ARHGAP44: variants seen among roughly 807,000 people sequenced by gnomAD.
ARHGAP44 encodes Rho GTPase activating protein 44.
Under a neutral mutation model 106.8 loss-of-function variants are expected in ARHGAP44, and 43 were observed. The ratio of observed to expected loss-of-function variants is 0.40; its 90% CI spans 0.32 to 0.52. The LOEUF (loss-of-function observed/expected upper bound fraction) is 0.52, where lower values mean the gene tolerates loss of function less well. ARHGAP44 is among the 20% of genes least tolerant of loss of function. The pLI, the probability that ARHGAP44 is intolerant of heterozygous loss-of-function variation, is 0.48. For missense variants in ARHGAP44, 866 were observed against 1,050.5 expected, an observed-to-expected ratio of 0.82 and a Z score of 2.43; for synonymous variants, 439 against 410.3, an observed-to-expected ratio of 1.07 and a Z score of -0.85.
At chr17:12,989,635 C>A (rs1029871944) in intron 20 of ARHGAP44, among the ~76,000 whole-genome samples, 2 of 152,064 alleles carry the variant, frequency 1.3e-5, no homozygotes, top group African/African-American at 4.8e-5. Flanking sequence ...AGAAAGGGGT[C>A]CACTGTCTCA....
At chr17:12,928,226 A>G (rs1481899708) in intron 6 of ARHGAP44, among the ~76,000 whole-genome samples, 1 of 152,172 alleles carries the variant, frequency 6.6e-6, no homozygotes, top group Non-Finnish European at 1.5e-5. Context: ...GATTTTTGCT[A>G]TCAGATTTGT....
chr17:12,979,797 G>A (rs1401226144), intron 18 of ARHGAP44, among the ~76,000 whole-genome samples: 1 of 152,212 alleles, frequency 6.6e-6, no homozygotes, highest in Non-Finnish European at 1.5e-5. Flanking sequence ...GAAGAGAGGA[G>A]GGCAGAGGCA....
At chr17:12,830,544 G>A (rs1597903411) in intron 1 of ARHGAP44, among the ~76,000 whole-genome samples, 1 of 152,160 alleles carries the variant, frequency 6.6e-6, no homozygotes, top group South Asian at 2.1e-4. Flanking sequence ...CCTTTACCTG[G>A]TAATATGAGG....
intron 4 of ARHGAP44, among the ~76,000 whole-genome samples, chr17:12,912,514 T>C (rs912500514): frequency 6.6e-6 from 1 of 152,018 alleles, no homozygotes; most frequent in Non-Finnish European, 1.5e-5. Context: ...GAAGAAATAA[T>C]AATAAATAAT....
intron 16 of ARHGAP44, among the ~76,000 whole-genome samples, chr17:12,966,170 A>AT (rs2039386897): frequency 6.6e-6 from 1 of 151,970 alleles, no homozygotes; most frequent in Non-Finnish European, 1.5e-5. Context: ...AAAAAAAAAA[A>AT]AATCCTTGAA....
chr17:12,925,047 T>G (rs1328411426), intron 6 of ARHGAP44, among the ~76,000 whole-genome samples: 1 of 152,032 alleles, frequency 6.6e-6, no homozygotes, highest in Non-Finnish European at 1.5e-5. Context: ...CAGTGGAGTC[T>G]CGATGGCCAT....
At chr17:12,792,390 G>T (rs976760352) in intron 1 of ARHGAP44, among the ~76,000 whole-genome samples, 1 of 152,152 alleles carries the variant, frequency 6.6e-6, no homozygotes, top group African/African-American at 2.4e-5. Context: ...TTGTATGCCT[G>T]TGTAGATAGT....
chr17:12,826,962 C>T (rs1323185315), intron 1 of ARHGAP44, among the ~76,000 whole-genome samples: 4 of 152,146 alleles, frequency 2.6e-5, no homozygotes, highest in Non-Finnish European at 4.4e-5. Flanking sequence ...AATACCCAAT[C>T]ACCACCTTAA....
At chr17:12,841,594 T>TCACA (rs545804542) in intron 1 of ARHGAP44, among the ~76,000 whole-genome samples, 29 of 126,560 alleles carry the variant, frequency 2.3e-4, no homozygotes, top group South Asian at 1.1e-3. Flanking sequence ...TGTCTCTCTC[T>TCACA]CACACACACA....
At chr17:12,938,587 A>T (rs1198737599) in intron 7 of ARHGAP44, among the ~76,000 whole-genome samples, 1 of 151,258 alleles carries the variant, frequency 6.6e-6, no homozygotes, top group Non-Finnish European at 1.5e-5. Context: ...TATATTAAAA[A>T]AAAAAAAAAA....
intron 1 of ARHGAP44, among the ~76,000 whole-genome samples, chr17:12,893,616 A>G (rs2037111749): frequency 6.6e-6 from 1 of 152,160 alleles, no homozygotes; most frequent in African/African-American, 2.4e-5. Context: ...GATGAGGGGT[A>G]CGGGCTTGGG....
intron 3 of ARHGAP44, among the ~76,000 whole-genome samples, chr17:12,905,887 A>G (rs1312562815): frequency 6.6e-6 from 1 of 152,212 alleles, no homozygotes; most frequent in East Asian, 1.9e-4. Context: ...AAGCATCTTC[A>G]CTGACTTGTC....
intron 1 of ARHGAP44, among the ~76,000 whole-genome samples, chr17:12,864,381 G>A (rs963777200): frequency 2.0e-5 from 3 of 152,164 alleles, no homozygotes; most frequent in Non-Finnish European, 4.4e-5. Flanking sequence ...TTTTGAAGGA[G>A]CTATTTGATA....
At chr17:12,924,661 A>G (rs555685036) in intron 6 of ARHGAP44, among the ~76,000 whole-genome samples, 6 of 152,300 alleles carry the variant, frequency 3.9e-5, no homozygotes, top group South Asian at 2.1e-4. Context: ...TTAAGGTTAA[A>G]TGAGGTCATA....
chr17:12,922,589 C>G (rs1162163424), intron 6 of ARHGAP44, among the ~76,000 whole-genome samples: 1 of 152,228 alleles, frequency 6.6e-6, no homozygotes, highest in Non-Finnish European at 1.5e-5. Context: ...ATTTCCACCA[C>G]AGAGCCTCTT....
At chr17:12,824,601 C>G (rs2034865950) in intron 1 of ARHGAP44, among the ~76,000 whole-genome samples, 1 of 152,076 alleles carries the variant, frequency 6.6e-6, no homozygotes, top group Non-Finnish European at 1.5e-5. Flanking sequence ...GGCCCTCTTC[C>G]ACTTTGCTTC....
At chr17:12,804,379 T>G (rs1277357678) in intron 1 of ARHGAP44, among the ~76,000 whole-genome samples, 1 of 152,202 alleles carries the variant, frequency 6.6e-6, no homozygotes, top group Non-Finnish European at 1.5e-5. Context: ...GATGACTGGC[T>G]TAGATCCATC....
intron 1 of ARHGAP44, among the ~76,000 whole-genome samples, chr17:12,874,345 G>A (rs2036491959): frequency 6.6e-6 from 1 of 152,160 alleles, no homozygotes; most frequent in Non-Finnish European, 1.5e-5. Context: ...CTCTGTCGTG[G>A]GAGGCAGCAA....
chr17:12,861,627 T>C (rs558315526), intron 1 of ARHGAP44, among the ~76,000 whole-genome samples: 81 of 146,512 alleles, frequency 5.5e-4, no homozygotes, highest in Non-Finnish European at 8.4e-4. Flanking sequence ...TGAATTCCTC[T>C]TCTGCCTCCT....
Sources: allele counts gnomAD v4.1 joint callset (sites outside exome capture counted in the v4.1 genomes callset), GRCh38; gene constraint gnomAD v4.1.1; transcripts MANE v1.5; gene names NCBI Gene and HGNC (gene_info 2026-07-23, HGNC 2026-07-21).